WWTR1: variants seen among roughly 807,000 people sequenced by gnomAD.
WWTR1 encodes WW domain-containing transcription regulator protein 1.
WWTR1 carries 13 observed loss-of-function variants against 40.1 expected under a neutral mutation model. The ratio of observed to expected loss-of-function variants is 0.32; its 90% confidence interval spans 0.21 to 0.52. WWTR1 has a LOEUF of 0.52. Among genes scored for constraint, WWTR1 ranks in the 20% least tolerant of loss-of-function variants. The pLI is 0.97. For synonymous variants in WWTR1, 230 were observed against 210.1 expected, an observed-to-expected ratio of 1.09 and a Z score of -0.82; for missense variants, 436 against 523.1, an observed-to-expected ratio of 0.83 and a Z score of 1.63.
exon 4 of WWTR1, chr3:149,724,168 C>G (rs892664411): frequency 8.5e-5 from 13 of 152,142 alleles, no homozygotes; most frequent in African/African-American, 3.1e-4. Flanking sequence ...GGAATTCTCT[C>G]TGGGGCTCCT....
At chr3:149,603,776 T>C (rs1289412685) in intron 2 of WWTR1, among the ~76,000 whole-genome samples, 1 of 151,508 alleles carries the variant, frequency 6.6e-6, no homozygotes, top group East Asian at 1.9e-4. Context: ...AACTGACATT[T>C]TCTCCTAATA....
chr3:149,531,941 T>G (rs1735601496), intron 4 of WWTR1, among the ~76,000 whole-genome samples: 2 of 152,106 alleles, frequency 1.3e-5, no homozygotes, highest in South Asian at 2.1e-4. Context: ...AATAGCCTAT[T>G]GTATACAACC....
intron 2 of WWTR1, among the ~76,000 whole-genome samples, chr3:149,573,947 T>TAC (rs1737764015): frequency 1.3e-5 from 2 of 151,846 alleles, no homozygotes; most frequent in Admixed American, 6.6e-5. Context: ...TTGTGATATA[T>TAC]ATATATATAT....
chr3:149,671,772 G>A (rs1371380915), intron 1 of WWTR1, among the ~76,000 whole-genome samples: 1 of 151,754 alleles, frequency 6.6e-6, no homozygotes, highest in Non-Finnish European at 1.5e-5. Context: ...TTATCTTAAT[G>A]TACTATATTA....
At chr3:149,545,643 T>C (rs1736330066) in intron 3 of WWTR1, among the ~76,000 whole-genome samples, 2 of 152,096 alleles carry the variant, frequency 1.3e-5, no homozygotes, top group African/African-American at 4.8e-5. Context: ...TGTCTTAGCC[T>C]CCCGAGTAGC....
chr3:149,712,599 T>C (rs1190898791), intron 5 of WWTR1, among the ~76,000 whole-genome samples: 1 of 152,170 alleles, frequency 6.6e-6, no homozygotes, highest in Non-Finnish European at 1.5e-5. Flanking sequence ...CCTGCAAAAT[T>C]AGGGTTGTGT....
chr3:149,606,148 C>T (rs1739474455), intron 2 of WWTR1, among the ~76,000 whole-genome samples: 1 of 152,166 alleles, frequency 6.6e-6, no homozygotes, highest in Admixed American at 6.5e-5. Context: ...GTGTCTTGAT[C>T]TTGTACTTCC....
At chr3:149,679,911 G>C (rs902205010) in intron 1 of WWTR1, among the ~76,000 whole-genome samples, 1 of 152,202 alleles carries the variant, frequency 6.6e-6, no homozygotes, top group Admixed American at 6.5e-5. Context: ...TGGCGTCCTA[G>C]AGAGACAGGC....
At chr3:149,545,271 GA>G (rs1406894720) in intron 3 of WWTR1, among the ~76,000 whole-genome samples, 32 of 152,182 alleles carry the variant, frequency 2.1e-4, no homozygotes, top group Admixed American at 6.5e-4. Context: ...CAGACATCCA[GA>G]AGGGTTTAAT....
At chr3:149,586,397 G>T (rs1738428312) in intron 2 of WWTR1, among the ~76,000 whole-genome samples, 1 of 151,666 alleles carries the variant, frequency 6.6e-6, no homozygotes, top group Non-Finnish European at 1.5e-5. Context: ...ACACTCGCAA[G>T]ATAAAGAAAG....
chr3:149,522,272 A>G (rs985952684), intron 6 of WWTR1, among the ~76,000 whole-genome samples: 2 of 152,046 alleles, frequency 1.3e-5, no homozygotes, highest in African/African-American at 4.8e-5. Context: ...AAAATTGCCG[A>G]AAGTTCACTT....
chr3:149,611,762 C>T (rs1327297274), intron 2 of WWTR1, among the ~76,000 whole-genome samples: 2 of 152,176 alleles, frequency 1.3e-5, no homozygotes, highest in Non-Finnish European at 2.9e-5. Context: ...AATAACATAG[C>T]TCCAGAGTGT....
At chr3:149,666,001 A>G (rs937305359) in intron 2 of WWTR1, among the ~76,000 whole-genome samples, 9 of 152,164 alleles carry the variant, frequency 5.9e-5, no homozygotes, top group Non-Finnish European at 1.0e-4. Context: ...TTTAATATCC[A>G]TTGTGTTCAA....
chr3:149,660,428 A>G (rs1025020674), upstream of WWTR1: 2 of 152,250 alleles, frequency 1.3e-5, no homozygotes, highest in African/African-American at 4.8e-5. Context: ...AGATAGTGCA[A>G]CAGATAAAGT....
At position 149,562,483 on chromosome 3, in the gene WWTR1, A is replaced by G. The variant is rs963626079; in HGVS notation, c.568+10381T>C. On this transcript the variant is annotated intron_variant, in intron 3 of 6. Coordinates refer to ENST00000360632, the MANE Select transcript of WWTR1 (RefSeq NM_015472.6). Reference sequence around the variant, plus strand: ...CTTTTTATTTTCTCATGTTTTGCCAATCAGCATTTTCTACAGTGACCAAAT... The same window carrying G: ...CTTTTTATTTTCTCATGTTTTGCCAGTCAGCATTTTCTACAGTGACCAAAT... Among the ~76,000 whole-genome samples the G allele has an allele frequency of 5.9e-5, 9 of 152,178 alleles. No homozygotes were observed. In the East Asian group the frequency reaches 1.7e-3, roughly 29 times the overall value.
intron 2 of WWTR1, among the ~76,000 whole-genome samples, chr3:149,666,179 C>T (rs555071925): frequency 1.3e-5 from 2 of 151,712 alleles, no homozygotes; most frequent in South Asian, 2.1e-4. Flanking sequence ...TTCTTGGTGA[C>T]AAGAGTCAAG....
intron 1 of WWTR1, 111 bp from the exon 2 acceptor site, chr3:149,657,420 A>C: frequency 1.6e-6 from 2 of 1,269,654 alleles, no homozygotes; most frequent in Non-Finnish European, 2.1e-6. Flanking sequence ...GGAAAAGGAA[A>C]CGAGGAGACA....
intron 1 of WWTR1, among the ~76,000 whole-genome samples, chr3:149,675,034 T>C (rs969142345): frequency 3.3e-5 from 5 of 152,218 alleles, no homozygotes; most frequent in Non-Finnish European, 7.3e-5. Context: ...CAGCTGTCCT[T>C]GAGACGCTAG....
At chr3:149,631,299 A>C (rs1711542107) in intron 2 of WWTR1, among the ~76,000 whole-genome samples, 1 of 152,196 alleles carries the variant, frequency 6.6e-6, no homozygotes, top group Non-Finnish European at 1.5e-5. Context: ...CCTTACTTTA[A>C]AATAATTTTT....
Sources: gnomAD v4.1 joint callset for allele counts (sites outside exome capture counted in the v4.1 genomes callset) on GRCh38, gnomAD v4.1.1 for gene constraint, MANE v1.5 for transcripts, NCBI Gene and HGNC (gene_info 2026-07-23, HGNC 2026-07-21) for gene names.